The following THSD7B variants were observed in gnomAD, a reference collection of about 807,000 sequenced individuals.
THSD7B encodes the protein thrombospondin type 1 domain containing 7B.
A neutral mutation model predicts 213.6 loss-of-function variants in THSD7B; 138 were observed. That is an observed-to-expected ratio of 0.65 (90% CI 0.56 to 0.74). The LOEUF (loss-of-function observed/expected upper bound fraction) is 0.74. THSD7B is among the 30% of genes least tolerant of loss of function. THSD7B has a pLI of 0.00. For synonymous variants in THSD7B, 742 were observed against 687.0 expected (o/e 1.08, Z -1.25); for missense variants, 1,931 against 1,991.5 (o/e 0.97, Z 0.58).
chr2:137,153,559 G>T (rs1679855720), intron 5 of THSD7B, among the ~76,000 whole-genome samples: 1 of 152,120 alleles, frequency 6.6e-6, no homozygotes, highest in South Asian at 2.1e-4. Context: ...TAAGTTCTAG[G>T]AGACAGATTT....
chr2:136,923,775 G>A (rs760190896), intron 2 of THSD7B, among the ~76,000 whole-genome samples: 4 of 152,110 alleles, frequency 2.6e-5, no homozygotes, highest in Non-Finnish European at 4.4e-5. Context: ...GTAAATTCAA[G>A]TTCTTTACCT....
intron 17 of THSD7B, among the ~76,000 whole-genome samples, chr2:137,603,975 G>A (rs956215376): frequency 2.6e-5 from 4 of 152,066 alleles, no homozygotes; most frequent in African/African-American, 9.7e-5. Context: ...TCCCGGCTTG[G>A]TGGTGTGCAC....
chr2:137,508,748 TG>T (rs1037789740), intron 15 of THSD7B, among the ~76,000 whole-genome samples: 1 of 152,106 alleles, frequency 6.6e-6, no homozygotes, highest in Non-Finnish European at 1.5e-5. Context: ...AATTTATGCC[TG>T]GGCAAGTGCT....
chr2:137,282,164 G>A (rs865858038), intron 12 of THSD7B, among the ~76,000 whole-genome samples: 10 of 151,968 alleles, frequency 6.6e-5, no homozygotes, highest in Middle Eastern at 3.2e-3. Flanking sequence ...GTGATGATGA[G>A]CATTTTTTCA....
intron 1 of THSD7B, among the ~76,000 whole-genome samples, chr2:136,802,639 T>TTATTTATATATATATA (rs1553449356): frequency 1.7e-5 from 1 of 57,382 alleles, no homozygotes; most frequent in East Asian, 7.0e-4. Context: ...TGAATTAAGT[T>TTATTTATATATATATA]TATATATATA....
intron 20 of THSD7B, among the ~76,000 whole-genome samples, chr2:137,632,679 C>T (rs11900973): frequency 0.021 from 3,249 of 152,144 alleles, 70 homozygotes; most frequent in South Asian, 0.067. Context: ...CAAGCAATGT[C>T]AAAAGTGCTT....
intron 15 of THSD7B, among the ~76,000 whole-genome samples, chr2:137,506,278 G>A (rs2105144693): frequency 6.6e-6 from 1 of 152,290 alleles, no homozygotes; most frequent in South Asian, 2.1e-4. Context: ...GCCACAAAAA[G>A]CCCTCAGATG....
rs570413304 is a variant in THSD7B, at chr2:137,316,852, G to A, written c.2500+40826G>A. Among the ~76,000 whole-genome samples, 77 of 152,066 alleles carry A rather than the reference G, an allele frequency of 5.1e-4. 1 individual carries two copies. The Middle Eastern group carries it at 0.017, about 34-fold the overall frequency. On this transcript the variant is annotated intron_variant, in intron 12 of 27. Transcript: ENST00000409968. ...GGAGAGGATGGGGAGGAGAGAGTGA[G>A]CCAGTAGAAGTGGGATTTATAATCA...
intron 5 of THSD7B, among the ~76,000 whole-genome samples, chr2:137,130,946 A>C (rs1242538539): frequency 6.6e-6 from 1 of 151,820 alleles, no homozygotes; most frequent in Non-Finnish European, 1.5e-5. Context: ...TCTCTGAGGA[A>C]TCGCCACACT....
chr2:137,058,542 A>G (rs1467323316), intron 3 of THSD7B, among the ~76,000 whole-genome samples: 1 of 152,154 alleles, frequency 6.6e-6, no homozygotes, highest in Non-Finnish European at 1.5e-5. Flanking sequence ...CCCTGTCTCC[A>G]ACATATAGTT....
At chr2:137,660,973 A>G (rs1356471783) in intron 25 of THSD7B, among the ~76,000 whole-genome samples, 2 of 152,182 alleles carry the variant, frequency 1.3e-5, no homozygotes, top group Non-Finnish European at 2.9e-5. Context: ...CCTCAAAATC[A>G]TGTGTTCAGT....
intron 1 of THSD7B, among the ~76,000 whole-genome samples, chr2:136,832,163 A>G (rs1214073879): frequency 7.1e-6 from 1 of 140,104 alleles, no homozygotes; most frequent in Non-Finnish European, 1.5e-5. Context: ...AATCAATAGG[A>G]TATACATCCT....
At chr2:136,950,593 A>G (rs1363893284) in intron 2 of THSD7B, among the ~76,000 whole-genome samples, 1 of 152,158 alleles carries the variant, frequency 6.6e-6, no homozygotes, top group Non-Finnish European at 1.5e-5. Flanking sequence ...TTAAGCTCAG[A>G]TGGGGTAAAT....
At chr2:137,058,964 T>C (rs1026557501) in intron 3 of THSD7B, among the ~76,000 whole-genome samples, 1 of 152,162 alleles carries the variant, frequency 6.6e-6, no homozygotes, top group African/African-American at 2.4e-5. Flanking sequence ...TTCTGGTACT[T>C]TGTTATAGCA....
At chr2:137,143,331 TG>T (rs1679629979) in intron 5 of THSD7B, among the ~76,000 whole-genome samples, 2 of 152,154 alleles carry the variant, frequency 1.3e-5, no homozygotes, top group African/African-American at 4.8e-5. Context: ...CATCAAAACG[TG>T]GAATCACGCA....
At chr2:136,828,619 T>C (rs1682699283) in intron 1 of THSD7B, among the ~76,000 whole-genome samples, 1 of 152,242 alleles carries the variant, frequency 6.6e-6, no homozygotes, top group Non-Finnish European at 1.5e-5. Flanking sequence ...CATCTTGTGC[T>C]CCGTGCTTTT....
intron 12 of THSD7B, among the ~76,000 whole-genome samples, chr2:137,314,500 C>T (rs1684028876): frequency 6.6e-6 from 1 of 152,226 alleles, no homozygotes; most frequent in South Asian, 2.1e-4. Flanking sequence ...GCCTTCTTCT[C>T]TCACCTCGTC....
intron 2 of THSD7B, among the ~76,000 whole-genome samples, chr2:136,926,824 T>C (rs1357270976): frequency 6.6e-6 from 1 of 152,212 alleles, no homozygotes; most frequent in African/African-American, 2.4e-5. Context: ...GCTGTATTAA[T>C]AGACAGTTCA....
At chr2:137,045,094 T>C (rs930464462) in intron 2 of THSD7B, among the ~76,000 whole-genome samples, 1 of 152,214 alleles carries the variant, frequency 6.6e-6, no homozygotes, top group Non-Finnish European at 1.5e-5. Flanking sequence ...ACAGCAAAAC[T>C]AGGATGAATT....
Sources: allele counts gnomAD v4.1 joint callset (sites outside exome capture counted in the v4.1 genomes callset), GRCh38; gene constraint gnomAD v4.1.1; transcripts MANE v1.5; gene names NCBI Gene and HGNC (gene_info 2026-07-23, HGNC 2026-07-21).